SPECC1: variants seen among roughly 807,000 people sequenced by gnomAD.
The protein encoded by SPECC1 is cytospin-B.
A neutral mutation model predicts 104.1 loss-of-function variants in SPECC1; 62 were observed. That is an observed-to-expected ratio of 0.60 (90% confidence interval 0.49 to 0.74). The LOEUF (loss-of-function observed/expected upper bound fraction) is 0.74. Ranked by LOEUF, SPECC1 falls within the 30% of genes least tolerant of loss-of-function variation. SPECC1 has a pLI of 0.00. For synonymous variants in SPECC1, 513 were observed against 501.6 expected (o/e 1.02, Z -0.30); for missense variants, 1,306 against 1,310.5 (o/e 1.00, Z 0.05).
chr17:20,157,952 C>A (rs1273603360), intron 3 of SPECC1, among the ~76,000 whole-genome samples: 1 of 152,146 alleles, frequency 6.6e-6, no homozygotes, highest in Non-Finnish European at 1.5e-5. Context: ...ACAAATGCCA[C>A]CTTGCCTGGC....
intron 10 of SPECC1, 34 bp downstream of exon 10, chr17:20,253,620 A>C: frequency 6.3e-7 from 1 of 1,595,788 alleles, no homozygotes; most frequent in Non-Finnish European, 8.6e-7. Context: ...CTTTTGACTT[A>C]TCTTTCCGTG....
intron 10 of SPECC1, among the ~76,000 whole-genome samples, chr17:20,254,894 G>A (rs1315343629): frequency 6.6e-6 from 1 of 152,080 alleles, no homozygotes; most frequent in Non-Finnish European, 1.5e-5. Flanking sequence ...GCTTTTTCAT[G>A]GAATTAAATA....
At chr17:20,203,929 T>C (rs895784700) in intron 3 of SPECC1, among the ~76,000 whole-genome samples, 1 of 152,264 alleles carries the variant, frequency 6.6e-6, no homozygotes, top group Non-Finnish European at 1.5e-5. Context: ...CTCTGCCATC[T>C]GCATTCCCAC....
At chr17:20,222,237 A>G (rs897540844) in intron 4 of SPECC1, among the ~76,000 whole-genome samples, 2 of 152,036 alleles carry the variant, frequency 1.3e-5, no homozygotes, top group African/African-American at 2.4e-5. Context: ...GGAGACTGAG[A>G]CAGGAAAATT....
At chr17:20,026,654 A>G (rs578222668) in intron 1 of SPECC1, among the ~76,000 whole-genome samples, 10 of 152,332 alleles carry the variant, frequency 6.6e-5, no homozygotes, top group African/African-American at 1.7e-4. Flanking sequence ...TATTGAGTGT[A>G]TATGCCACAT....
rs1442703196 is a variant in SPECC1 at position 20,012,551 on chromosome 17, T to C, written c.-22+3127T>C. 3.3e-5 allele frequency among the ~76,000 whole-genome samples: 5 copies of C among 151,938 alleles called. No homozygotes were observed. In the East Asian group the frequency reaches 9.6e-4, roughly 29 times the overall value. ...TTTTTGTTCATTCTCTTTATATTGCTGTACTTGCTTTTTGTTAGCATTTAT... is the reference window on the plus strand; with the variant it reads ...TTTTTGTTCATTCTCTTTATATTGCCGTACTTGCTTTTTGTTAGCATTTAT... On this transcript the variant is annotated intron_variant, in intron 1 of 14. Transcript: ENST00000395527.
At chr17:20,287,286 G>T (rs1371793020) in intron 12 of SPECC1, among the ~76,000 whole-genome samples, 1 of 151,832 alleles carries the variant, frequency 6.6e-6, no homozygotes, top group Non-Finnish European at 1.5e-5. Context: ...GCGCGGTGGC[G>T]GGCGCCTGTA....
At chr17:20,022,712 C>G (rs2044442024) in intron 1 of SPECC1, among the ~76,000 whole-genome samples, 1 of 152,216 alleles carries the variant, frequency 6.6e-6, no homozygotes, top group South Asian at 2.1e-4. Flanking sequence ...CCCACCTGTC[C>G]TCACTCATTC....
chr17:20,300,687 C>T (rs563124133), intron 13 of SPECC1, among the ~76,000 whole-genome samples: 1 of 152,388 alleles, frequency 6.6e-6, no homozygotes, highest in South Asian at 2.1e-4. Flanking sequence ...AGCGCAGAGG[C>T]TCCGCCAGCT....
chr17:20,305,515 A>G, intron 13 of SPECC1: 1 of 153,870 alleles, frequency 6.5e-6, no homozygotes, highest in South Asian at 2.0e-4. Flanking sequence ...CCTTCATTTT[A>G]GAAATCAAGT....
At chr17:20,251,580 T>C (rs559650652) in intron 9 of SPECC1, among the ~76,000 whole-genome samples, 38 of 152,340 alleles carry the variant, frequency 2.5e-4, no homozygotes, top group African/African-American at 9.1e-4. Flanking sequence ...TGCTATGAAG[T>C]AGAGCCTCTA....
intron 3 of SPECC1, among the ~76,000 whole-genome samples, chr17:20,149,411 G>T (rs1290465189): frequency 6.6e-6 from 1 of 152,162 alleles, no homozygotes; most frequent in Non-Finnish European, 1.5e-5. Flanking sequence ...TGCAAACACT[G>T]TAGTTTATGC....
chr17:20,133,252 CTCT>C (rs1353303302), intron 3 of SPECC1, among the ~76,000 whole-genome samples: 13 of 151,832 alleles, frequency 8.6e-5, no homozygotes, highest in African/African-American at 3.1e-4. Flanking sequence ...CCGAGTTCTG[CTCT>C]TCTTTATTAT....
chr17:20,056,856 T>C (rs2045983500), intron 1 of SPECC1, among the ~76,000 whole-genome samples: 1 of 152,172 alleles, frequency 6.6e-6, no homozygotes, highest in South Asian at 2.1e-4. Flanking sequence ...TATACTTGTT[T>C]TATATTTATA....
At chr17:20,094,487 A>G (rs1285413067) in intron 1 of SPECC1, among the ~76,000 whole-genome samples, 1 of 152,200 alleles carries the variant, frequency 6.6e-6, no homozygotes, top group African/African-American at 2.4e-5. Flanking sequence ...AAAGGTTGAC[A>G]GGGAAAACAT....
chr17:20,147,646 A>G (rs1276147045), intron 3 of SPECC1, among the ~76,000 whole-genome samples: 1 of 152,256 alleles, frequency 6.6e-6, no homozygotes, highest in Admixed American at 6.5e-5. Context: ...GTTGAGAGGC[A>G]TATGGAGGGC....
chr17:20,048,817 A>G (rs1276125263), intron 1 of SPECC1, among the ~76,000 whole-genome samples: 1 of 151,892 alleles, frequency 6.6e-6, no homozygotes, highest in Non-Finnish European at 1.5e-5. Flanking sequence ...GCTTGAACCC[A>G]GGAGGTCGAG....
intron 3 of SPECC1, among the ~76,000 whole-genome samples, chr17:20,184,350 C>T (rs868545631): frequency 1.4e-4 from 21 of 152,220 alleles, no homozygotes; most frequent in African/African-American, 4.6e-4. Context: ...TGATCCCAAA[C>T]GAAAGGCTAA....
chr17:20,021,435 T>A (rs1273937572), intron 1 of SPECC1, among the ~76,000 whole-genome samples: 2 of 152,056 alleles, frequency 1.3e-5, no homozygotes, highest in African/African-American at 2.4e-5. Context: ...TCGTCTCCTG[T>A]AGATGGACAC....
Sources: gnomAD v4.1 joint callset for allele counts (sites outside exome capture counted in the v4.1 genomes callset) on GRCh38, gnomAD v4.1.1 for gene constraint, MANE v1.5 for transcripts, NCBI Gene and HGNC (gene_info 2026-07-23, HGNC 2026-07-21) for gene names.